The following DZIP3 variants were observed in gnomAD, a reference collection of about 807,000 sequenced individuals.
DZIP3 encodes the protein E3 ubiquitin-protein ligase DZIP3.
A neutral mutation model predicts 162.0 loss-of-function variants in DZIP3; 118 were observed. The observed-to-expected ratio is 0.73, with a 90% CI of 0.63 to 0.85. The LOEUF is 0.85. Among genes scored for constraint, DZIP3 ranks in the 40% least tolerant of loss-of-function variants. DZIP3 has a pLI of 0.00. For missense variants in DZIP3, 1,331 were observed against 1,407.0 expected (o/e 0.95, Z 0.86); for synonymous variants, 438 against 458.6 (o/e 0.96, Z 0.57).
At chr3:108,634,763 T>TA (rs1942060222) in intron 9 of DZIP3, 108 bp from the exon 10 acceptor site, 1 of 532,970 alleles carries the variant, frequency 1.9e-6, no homozygotes, top group Non-Finnish European at 3.1e-6. Context: ...GAATGCCATG[T>TA]AAAATCTATC....
chr3:108,691,689 TC>T (rs1944701734), intron 32 of DZIP3, among the ~76,000 whole-genome samples: 1 of 152,148 alleles, frequency 6.6e-6, no homozygotes, highest in African/African-American at 2.4e-5. Flanking sequence ...GAGTGAGACT[TC>T]CCTGCTTCTG....
At chr3:108,599,996 A>G (rs1184378904) in intron 1 of DZIP3, among the ~76,000 whole-genome samples, 1 of 152,208 alleles carries the variant, frequency 6.6e-6, no homozygotes, top group East Asian at 1.9e-4. Flanking sequence ...CTGCTAATCT[A>G]GCAGATGTAC....
intron 3 of DZIP3, 80 bp from the exon 4 acceptor site, chr3:108,611,094 A>T: frequency 7.3e-7 from 1 of 1,361,716 alleles, no homozygotes; most frequent in Non-Finnish European, 9.9e-7. Flanking sequence ...TTCCTTTTTT[A>T]ATGCTTTGGC....
At chr3:108,672,794 G>A in intron 23 of DZIP3, 138 bp downstream of exon 23, 1 of 696,900 alleles carries the variant, frequency 1.4e-6, no homozygotes, top group Non-Finnish European at 2.4e-6. Context: ...GGAAAATACA[G>A]TTGAAAGTCT....
At position 108,626,055 on chromosome 3, in the gene DZIP3, T is replaced by A; in HGVS notation, c.581+86T>A. 3 of 1,393,046 alleles carry A rather than the reference T, an allele frequency of 2.2e-6. No homozygotes were observed. The Admixed American group carries it at 7.1e-5, about 33-fold the overall frequency. 86.3% of individuals were successfully genotyped at this position (1,393,046 alleles called of 1,614,324 possible). A position where few individuals can be genotyped will look rare whatever the true frequency, so the allele number is the denominator to read the frequency against. On this transcript the variant is annotated intron_variant, in intron 7 of 32. Coordinates refer to ENST00000361582, the MANE Select transcript of DZIP3 (RefSeq NM_014648.4). ...GTAAGTGTGCACAGTATATCAGGCA[T>A]TGTGACATTTGTGCTCTACTGTTTT...
chr3:108,657,299 A>T lies in DZIP3; in HGVS notation c.2199+2989A>T, dbSNP rs570248737. Among the ~76,000 whole-genome samples the T allele has an allele frequency of 1.3e-3, 195 of 152,274 alleles. 1 individual carries two copies. The Middle Eastern group carries it at 0.014, about 11-fold the overall frequency. On this transcript the variant is annotated intron_variant, in intron 19 of 32. Transcript: ENST00000361582. Reference sequence around the variant, plus strand: ...ACTAACAGCTGATCTCTTGGCAGAAACTCTACAAGCCAGAAGAGAGTGGGG... The same window carrying T: ...ACTAACAGCTGATCTCTTGGCAGAATCTCTACAAGCCAGAAGAGAGTGGGG...
intron 9 of DZIP3, among the ~76,000 whole-genome samples, chr3:108,633,907 GATCT>G (rs1559744257): frequency 1.4e-5 from 2 of 139,698 alleles, no homozygotes; most frequent in Admixed American, 7.1e-5. Flanking sequence ...ACTTCTGATA[GATCT>G]CTCTCTCTGG....
intron 7 of DZIP3, among the ~76,000 whole-genome samples, chr3:108,628,039 T>C (rs1244357363): frequency 6.6e-6 from 1 of 152,118 alleles, no homozygotes; most frequent in African/African-American, 2.4e-5. Context: ...CCATCATGCC[T>C]GGCTCATTTT....
chr3:108,669,803 C>T, intron 22 of DZIP3, 54 bp downstream of exon 22: 2 of 1,387,162 alleles, frequency 1.4e-6, no homozygotes, highest in Non-Finnish European at 2.0e-6. Flanking sequence ...GTATTTCACT[C>T]AACACTTTCT....
At chr3:108,639,790 G>A (rs1450038712) in intron 12 of DZIP3, among the ~76,000 whole-genome samples, 1 of 150,784 alleles carries the variant, frequency 6.6e-6, no homozygotes, top group Non-Finnish European at 1.5e-5. Flanking sequence ...TTTCATTGAT[G>A]TTTGTTCTTT....
intron 22 of DZIP3, 152 bp downstream of exon 22, chr3:108,669,901 G>T (rs1943862665): frequency 8.3e-6 from 5 of 600,488 alleles, no homozygotes; most frequent in South Asian, 6.9e-5. Flanking sequence ...TGGGACAAAA[G>T]GTGTAAACTG....
intron 14 of DZIP3, 129 bp downstream of exon 14, chr3:108,644,910 G>A (rs774881258): frequency 3.7e-5 from 31 of 832,932 alleles, no homozygotes; most frequent in Non-Finnish European, 5.1e-5. Context: ...TCATCAGGAA[G>A]GTAATAGAAA....
chr3:108,638,752 T>A (rs1559748545), intron 12 of DZIP3, among the ~76,000 whole-genome samples: 1 of 152,236 alleles, frequency 6.6e-6, no homozygotes, highest in African/African-American at 2.4e-5. Flanking sequence ...GCCTTTACTT[T>A]ATCCAGTCTG....
chr3:108,681,493 T>G (rs780295873), intron 26 of DZIP3, among the ~76,000 whole-genome samples: 25 of 152,088 alleles, frequency 1.6e-4, no homozygotes, highest in Non-Finnish European at 3.1e-4. Flanking sequence ...GAGTGTAAAT[T>G]AGTTCAACCA....
At chr3:108,664,247 G>C (rs1431261904) in intron 21 of DZIP3, among the ~76,000 whole-genome samples, 1 of 152,162 alleles carries the variant, frequency 6.6e-6, no homozygotes. Context: ...CAAAGGATCA[G>C]TAAAAGGAAA....
intron 3 of DZIP3, 38 bp from the exon 4 acceptor site, chr3:108,611,136 G>A (rs772161785): frequency 7.2e-6 from 11 of 1,532,592 alleles, no homozygotes; most frequent in Admixed American, 7.0e-5. Context: ...ATGAGAATAT[G>A]CAAACTGTGT....
upstream of DZIP3, chr3:108,589,637 C>A (rs528158367): frequency 4.0e-4 from 132 of 329,796 alleles, 1 homozygote; most frequent in Non-Finnish European, 3.4e-5. Flanking sequence ...TGAGAGGCCG[C>A]GAGGTTTCGG....
At chr3:108,611,141 CTG>C (rs765889630) in intron 3 of DZIP3, 31 bp from the exon 4 acceptor site, 27 of 1,539,062 alleles carry the variant, frequency 1.8e-5, no homozygotes, top group Non-Finnish European at 2.1e-5. Flanking sequence ...AATATGCAAA[CTG>C]TGTAAATTTT....
chr3:108,617,035 A>C (rs994172400), intron 5 of DZIP3, among the ~76,000 whole-genome samples: 1 of 152,216 alleles, frequency 6.6e-6, no homozygotes, highest in Non-Finnish European at 1.5e-5. Flanking sequence ...ATACTGCATG[A>C]TGTCATTTGA....
Sources: allele counts gnomAD v4.1 joint callset (sites outside exome capture counted in the v4.1 genomes callset), GRCh38; gene constraint gnomAD v4.1.1; transcripts MANE v1.5; gene names NCBI Gene and HGNC (gene_info 2026-07-23, HGNC 2026-07-21).